The following ARHGAP15 variants were observed in gnomAD, a reference collection of about 807,000 sequenced individuals.
ARHGAP15 encodes Rho GTPase activating protein 15.
A neutral mutation model predicts 63.7 loss-of-function variants in ARHGAP15; 51 were observed. The observed-to-expected ratio is 0.80, with a 90% CI of 0.64 to 1.01. The LOEUF is 1.01. Ranked by LOEUF, ARHGAP15 falls within the 50% of genes least tolerant of loss-of-function variation. The pLI is 0.00. For synonymous variants in ARHGAP15, 191 were observed against 193.8 expected (o/e 0.99, Z 0.12); for missense variants, 560 against 564.6 (o/e 0.99, Z 0.08).
chr2:143,446,169 T>C (rs1031339947), intron 8 of ARHGAP15, among the ~76,000 whole-genome samples: 1 of 149,146 alleles, frequency 6.7e-6, no homozygotes, highest in Admixed American at 6.7e-5. Context: ...TTATAAAATA[T>C]TATAAATGTA....
chr2:143,185,906 A>G (rs1394874022), intron 2 of ARHGAP15, among the ~76,000 whole-genome samples: 6 of 152,126 alleles, frequency 3.9e-5, no homozygotes, highest in African/African-American at 1.4e-4. Context: ...TTAGACCCCA[A>G]ATTAACTTCT....
chr2:143,561,010 G>A (rs1264068694), intron 11 of ARHGAP15, among the ~76,000 whole-genome samples: 1 of 152,202 alleles, frequency 6.6e-6, no homozygotes, highest in Non-Finnish European at 1.5e-5. Flanking sequence ...TCATCAGCCT[G>A]CGACATTGCG....
intron 5 of ARHGAP15, among the ~76,000 whole-genome samples, chr2:143,249,940 T>C (rs6731772): frequency 0.17 from 25,705 of 152,034 alleles, 2,337 homozygotes; most frequent in Middle Eastern, 0.25. Context: ...TTAATAAATA[T>C]GTATTGAATT....
chr2:143,636,523 G>GC (rs1233051885), intron 12 of ARHGAP15, among the ~76,000 whole-genome samples: 1 of 152,096 alleles, frequency 6.6e-6, no homozygotes, highest in Non-Finnish European at 1.5e-5. Context: ...TGCGAGCTGG[G>GC]CCCCCTCCGT....
intron 8 of ARHGAP15, among the ~76,000 whole-genome samples, chr2:143,453,112 G>A (rs1690483828): frequency 6.6e-6 from 1 of 151,922 alleles, no homozygotes; most frequent in East Asian, 1.9e-4. Context: ...ACCCTATGCA[G>A]CTCAGTGACA....
chr2:143,150,874 G>A (rs1689787284), intron 1 of ARHGAP15, among the ~76,000 whole-genome samples: 1 of 151,918 alleles, frequency 6.6e-6, no homozygotes, highest in Non-Finnish European at 1.5e-5. Flanking sequence ...CATAGATCAA[G>A]CAAAACCTAA....
chr2:143,394,256 C>T (rs956758624), intron 6 of ARHGAP15, among the ~76,000 whole-genome samples: 1 of 152,106 alleles, frequency 6.6e-6, no homozygotes, highest in Non-Finnish European at 1.5e-5. Flanking sequence ...TGAAAGCAGC[C>T]ACAAATATGC....
intron 12 of ARHGAP15, among the ~76,000 whole-genome samples, chr2:143,696,179 GAAGA>G (rs148796649): frequency 0.02 from 3,008 of 151,976 alleles, 74 homozygotes; most frequent in African/African-American, 0.067. Context: ...CCTTCAGTTA[GAAGA>G]AAGACATAAA....
At chr2:143,260,239 A>C (rs1680650614) in intron 6 of ARHGAP15, among the ~76,000 whole-genome samples, 1 of 152,168 alleles carries the variant, frequency 6.6e-6, no homozygotes, top group Non-Finnish European at 1.5e-5. Flanking sequence ...AAAATTTAAG[A>C]AATTTTGATG....
At chr2:143,247,355 A>G (rs1226471938) in intron 5 of ARHGAP15, 1 of 152,442 alleles carries the variant, frequency 6.6e-6, no homozygotes, top group East Asian at 1.9e-4. Context: ...GCATTCTTGT[A>G]CGTGAGGTGT....
chr2:143,309,055 A>G (rs933168021), intron 6 of ARHGAP15, among the ~76,000 whole-genome samples: 6 of 151,998 alleles, frequency 3.9e-5, no homozygotes, highest in African/African-American at 1.4e-4. Context: ...GCATTGCTAA[A>G]GGTATTTTCA....
chr2:143,666,349 G>A (rs1464875099), intron 12 of ARHGAP15, among the ~76,000 whole-genome samples: 1 of 152,064 alleles, frequency 6.6e-6, no homozygotes, highest in Non-Finnish European at 1.5e-5. Context: ...ATGGTGCTGG[G>A]ATAACTGGCT....
intron 2 of ARHGAP15, among the ~76,000 whole-genome samples, chr2:143,171,203 T>G (rs1690767592): frequency 6.6e-6 from 1 of 152,172 alleles, no homozygotes; most frequent in Non-Finnish European, 1.5e-5. Flanking sequence ...ATATCACTAT[T>G]GTATTCATTG....
intron 6 of ARHGAP15, among the ~76,000 whole-genome samples, chr2:143,330,316 T>G (rs1049420325): frequency 6.6e-6 from 1 of 151,620 alleles, no homozygotes; most frequent in African/African-American, 2.4e-5. Flanking sequence ...CCTAAAAAAT[T>G]TTGTAGATAT....
At chr2:143,235,285 C>T (rs2104929877) in intron 5 of ARHGAP15, among the ~76,000 whole-genome samples, 1 of 145,054 alleles carries the variant, frequency 6.9e-6, no homozygotes, top group Non-Finnish European at 1.5e-5. Flanking sequence ...AAGGCGAGCT[C>T]ACATCTGTGA....
At chr2:143,506,967 T>C (rs1374366915) in intron 9 of ARHGAP15, among the ~76,000 whole-genome samples, 2 of 152,224 alleles carry the variant, frequency 1.3e-5, no homozygotes, top group African/African-American at 4.8e-5. Context: ...CTCATATTTA[T>C]CTTTTAATCT....
chr2:143,340,525 C>CT (rs1233433598), intron 6 of ARHGAP15, among the ~76,000 whole-genome samples: 2 of 68,910 alleles, frequency 2.9e-5, no homozygotes, highest in African/African-American at 8.1e-5. Flanking sequence ...CAGATTTTTT[C>CT]TCTTTTTTTT....
chr2:143,653,727 T>G (rs1681289478), intron 12 of ARHGAP15, among the ~76,000 whole-genome samples: 1 of 152,176 alleles, frequency 6.6e-6, no homozygotes, highest in African/African-American at 2.4e-5. Flanking sequence ...TCGGCATTCC[T>G]TATCGCACTT....
rs560971405 is a variant in ARHGAP15, at chr2:143,703,430, A to G, written c.1150A>G (p.Asn384Asp). The G allele has an allele frequency of 8.1e-6, 13 of 1,608,602 alleles. No individual in the cohort carries two copies. Among genetic ancestry groups the G allele is most frequent in the Non-Finnish European group, 1.1e-5 (13 of 1,178,470 alleles). ...ATTTTTTTTTCCAGAAAAGCAAGAC[A>G]ACAACACAAGAATTGAAGCTGTAAA... ...QFVEAIKKQD[N>D]NTRIEAVKSL... is the part of the protein sequence containing the mutation. The change falls in exon 13 of 14, where the codon AAC becomes GAC. Residue 384 changes from asparagine (N) to aspartate (D), a missense_variant. Coordinates refer to ENST00000295095, the MANE Select transcript of ARHGAP15 (RefSeq NM_018460.4).
Sources: allele counts gnomAD v4.1 joint callset (sites outside exome capture counted in the v4.1 genomes callset), GRCh38; gene constraint gnomAD v4.1.1; transcripts MANE v1.5; gene names NCBI Gene and HGNC (gene_info 2026-07-23, HGNC 2026-07-21).